Variants in AGBL1 observed in about 807,000 individuals in gnomAD.
The protein encoded by AGBL1 is cytosolic carboxypeptidase 4.
In AGBL1, 130 loss-of-function variants were observed where a neutral mutation model predicts 118.9. The observed-to-expected ratio is 1.09, with a 90% CI of 0.95 to 1.26. The LOEUF is 1.26. Ranked by LOEUF, AGBL1 falls within the 50% of genes most tolerant of loss-of-function variation. The pLI is 0.00. For missense variants in AGBL1, 1,584 were observed against 1,298.1 expected (o/e 1.22, Z -3.38); for synonymous variants, 555 against 478.9 (o/e 1.16, Z -2.08).
chr15:86,900,670 G>A (rs1321639379), intron 22 of AGBL1, among the ~76,000 whole-genome samples: 5 of 142,102 alleles, frequency 3.5e-5, no homozygotes, highest in Non-Finnish European at 7.6e-5. Context: ...TTTTTTGCTT[G>A]TGTATTCTTC....
At position 86,252,162 on chromosome 15, in the gene AGBL1, T is replaced by C. The variant is rs534906968; in HGVS notation, c.735+4283T>C. Among the ~76,000 whole-genome samples the C allele has an allele frequency of 5.9e-5, 9 of 152,294 alleles. No homozygotes were observed. In the South Asian group the frequency reaches 1.9e-3, roughly 32 times the overall value. ...ATGCTACTGGTCTGGGTACTTCACT[T>C]TGAGAACCACTGGAATAAGAACTGA... On this transcript the variant is annotated intron_variant, in intron 7 of 22. Coordinates refer to ENST00000614907, the MANE Select transcript of AGBL1 (RefSeq NM_001386094.1).
chr15:86,718,313 T>G (rs1345126209), intron 22 of AGBL1, among the ~76,000 whole-genome samples: 7 of 152,198 alleles, frequency 4.6e-5, no homozygotes, highest in African/African-American at 1.7e-4. Context: ...CTGCATGTTC[T>G]CACTCATAGG....
chr15:86,901,245 AT>A (rs1189689078), intron 22 of AGBL1, among the ~76,000 whole-genome samples: 1 of 152,128 alleles, frequency 6.6e-6, no homozygotes, highest in Non-Finnish European at 1.5e-5. Flanking sequence ...AAAGAGTTCA[AT>A]TGCCTTTGGT....
intron 23 of AGBL1, among the ~76,000 whole-genome samples, chr15:86,980,535 A>G (rs1000370677): frequency 6.6e-6 from 1 of 152,180 alleles, no homozygotes; most frequent in Non-Finnish European, 1.5e-5. Context: ...AGTAACTTCC[A>G]TTCCTCCTCT....
chr15:86,591,872 G>T (rs1165484654), intron 21 of AGBL1, among the ~76,000 whole-genome samples: 3 of 152,066 alleles, frequency 2.0e-5, no homozygotes, highest in Admixed American at 2.0e-4. Flanking sequence ...GGTCTTTCGG[G>T]TGACCAGCTG....
intron 16 of AGBL1, among the ~76,000 whole-genome samples, chr15:86,286,749 A>ATATATATATATAT (rs60775713): frequency 2.8e-5 from 4 of 145,446 alleles, no homozygotes; most frequent in East Asian, 2.0e-4. Flanking sequence ...ATATATATAT[A>ATATATATATATAT]AAACTCCATC....
At chr15:87,016,779 T>G (rs1438056199) in intron 24 of AGBL1, among the ~76,000 whole-genome samples, 3 of 152,056 alleles carry the variant, frequency 2.0e-5, no homozygotes, top group African/African-American at 7.2e-5. Context: ...TGGTGAGTGA[T>G]TGTGTGATTC....
At chr15:86,288,481 A>G (rs1403693987) in intron 16 of AGBL1, among the ~76,000 whole-genome samples, 1 of 152,080 alleles carries the variant, frequency 6.6e-6, no homozygotes, top group East Asian at 1.9e-4. Context: ...TTCTTTTAAG[A>G]GGCTATTTTC....
At chr15:86,291,325 A>AT (rs551121231) in intron 16 of AGBL1, among the ~76,000 whole-genome samples, 8 of 152,126 alleles carry the variant, frequency 5.3e-5, no homozygotes, top group East Asian at 1.9e-4. Context: ...GCCAAGAATG[A>AT]TTTTTTTGTA....
intron 22 of AGBL1, among the ~76,000 whole-genome samples, chr15:86,860,924 CT>C (rs2079551275): frequency 6.6e-6 from 1 of 152,050 alleles, no homozygotes; most frequent in African/African-American, 2.4e-5. Context: ...TGGCTTCTGG[CT>C]GCTCTTGTGC....
intron 18 of AGBL1, among the ~76,000 whole-genome samples, chr15:86,400,113 T>C (rs987326247): frequency 1.4e-4 from 21 of 152,158 alleles, no homozygotes; most frequent in African/African-American, 5.1e-4. Context: ...ACACATGGTT[T>C]ATCTAATTTC....
chr15:87,028,167 G>T (rs928699978), intron 24 of AGBL1, among the ~76,000 whole-genome samples: 2 of 151,812 alleles, frequency 1.3e-5, no homozygotes, highest in African/African-American at 4.8e-5. Flanking sequence ...AGTGCCCTTT[G>T]CTTATTGATC....
intron 23 of AGBL1, among the ~76,000 whole-genome samples, chr15:86,982,837 G>A (rs981133584): frequency 3.9e-5 from 6 of 152,236 alleles, no homozygotes; most frequent in African/African-American, 1.4e-4. Context: ...GAGTAGTTAA[G>A]TTTCTGAGGA....
chr15:86,612,549 C>T (rs2084672163), intron 21 of AGBL1, among the ~76,000 whole-genome samples: 1 of 152,128 alleles, frequency 6.6e-6, no homozygotes, highest in African/African-American at 2.4e-5. Flanking sequence ...ACAAAACAGA[C>T]TCATTATAGC....
chr15:86,255,764 A>G (rs2078885374), intron 7 of AGBL1, among the ~76,000 whole-genome samples: 1 of 151,844 alleles, frequency 6.6e-6, no homozygotes, highest in Non-Finnish European at 1.5e-5. Context: ...CCTGGGTGAC[A>G]GAGTGAGACT....
At chr15:86,566,222 A>C (rs1406439783) in intron 21 of AGBL1, among the ~76,000 whole-genome samples, 1 of 152,060 alleles carries the variant, frequency 6.6e-6, no homozygotes, top group Non-Finnish European at 1.5e-5. Flanking sequence ...TGCATCAGTC[A>C]CACTGGGAGC....
In AGBL1 at chr15:86,255,604, G is replaced by T. The variant is rs192638065; in HGVS notation, c.736-1249G>T. Among the ~76,000 whole-genome samples, 1,437 of 152,276 alleles carry T rather than the reference G, an allele frequency of 9.4e-3. 18 individuals are homozygous for T. Among genetic ancestry groups the T allele is most frequent in the Non-Finnish European group, 0.014 (975 of 68,020 alleles). On this transcript the variant is annotated intron_variant, in intron 7 of 22. Coordinates refer to ENST00000614907, the MANE Select transcript of AGBL1 (RefSeq NM_001386094.1). Reference sequence around the variant, plus strand: ...TTGATACAAGCCTAACCAACATGGGGAAACCCCGTCTCTATTCAAAATACA... The same window carrying T: ...TTGATACAAGCCTAACCAACATGGGTAAACCCCGTCTCTATTCAAAATACA...
chr15:86,256,978 C>G lies in AGBL1; in HGVS notation c.861C>G (p.Pro287=). ...TASSAYAFPV[P]GCITTEPPHD... The stretch of plus-strand genomic sequence containing the variant: ...GCAGTGCCTATGCCTTCCCGGTCCC[C>G]GGGTGCATCACCACTGAACCTCCAC... Residue 287 remains proline (P), a synonymous_variant, in exon 8 of 23, where the codon CCC becomes CCG. Transcript: ENST00000614907. 3 of 1,613,460 alleles carry G rather than the reference C, an allele frequency of 1.9e-6. No homozygotes were observed. Among genetic ancestry groups the G allele is most frequent in the Non-Finnish European group, 1.7e-6 (2 of 1,179,672 alleles).
At chr15:86,155,877 TG>T (rs551453233) in intron 4 of AGBL1, among the ~76,000 whole-genome samples, 18 of 152,314 alleles carry the variant, frequency 1.2e-4, no homozygotes, top group African/African-American at 3.8e-4. Flanking sequence ...TCACAGTCTA[TG>T]TGGCTTAAAC....
Sources: gnomAD v4.1 joint callset for allele counts (sites outside exome capture counted in the v4.1 genomes callset) on GRCh38, gnomAD v4.1.1 for gene constraint, MANE v1.5 for transcripts, NCBI Gene and HGNC (gene_info 2026-07-23, HGNC 2026-07-21) for gene names.